MARCHF7: variants seen among roughly 807,000 people sequenced by gnomAD.
MARCHF7 encodes membrane associated ring-CH-type finger 7.
Under a neutral mutation model 76.5 loss-of-function variants are expected in MARCHF7, and 20 were observed. The ratio of observed to expected loss-of-function variants is 0.26; its 90% CI spans 0.18 to 0.38. The LOEUF is 0.38. Ranked by LOEUF, MARCHF7 falls within the 10% of genes least tolerant of loss-of-function variation. The pLI is 1.00. For synonymous variants in MARCHF7, 295 were observed against 293.0 expected (o/e 1.01, Z -0.07); for missense variants, 797 against 812.9 (o/e 0.98, Z 0.24).
At chr2:159,717,669 C>T (rs1701188290) in intron 3 of MARCHF7, among the ~76,000 whole-genome samples, 1 of 152,170 alleles carries the variant, frequency 6.6e-6, no homozygotes, top group Non-Finnish European at 1.5e-5. Flanking sequence ...CTCCTTAGGA[C>T]TTCTGTAATA....
Position 159,752,406 on chromosome 2 carries a change from C to T in MARCHF7, c.1618C>T (p.Leu540Phe). 6.3e-7 allele frequency: 1 copy of T among 1,579,058 alleles called. No individual in the cohort carries two copies. Among genetic ancestry groups the T allele is most frequent in the Non-Finnish European group, 8.6e-7 (1 of 1,164,996 alleles). ...ERLQKIKESLLLEDSEEEEGD... is the reference protein window; with the variant it reads ...ERLQKIKESLFLEDSEEEEGD... ...GAAATGTGCCTTCTTTTCCAGCCTC[C>T]TTTTAGAGGACTCAGAAGAAGAAGA... Residue 540 changes from leucine (L) to phenylalanine (F), a missense_variant, in exon 8 of 12, where the codon CTT (leucine) becomes TTT (phenylalanine). Coordinates refer to ENST00000409175, the MANE Select transcript of MARCHF7 (RefSeq NM_001282805.2).
At position 159,721,023 on chromosome 2, in the gene MARCHF7, A is replaced by ATTT. The variant is rs796198892; in HGVS notation, c.-15+5270_-15+5272dup. On this transcript the variant is annotated intron_variant, in intron 3 of 11. Transcript: ENST00000409175. ...CAGGCGCGAGCCACCACACACGGCTATTTTTTTTTTTTTTTCTGTATTTTT... is the reference window on the plus strand; with the variant it reads ...CAGGCGCGAGCCACCACACACGGCTATTTTTTTTTTTTTTTTTTCTGTATTTTT... Among the ~76,000 whole-genome samples the ATTT allele has an allele frequency of 6.2e-4, 86 of 138,264 alleles. No homozygotes were observed. In the East Asian group the frequency reaches 0.016, roughly 26 times the overall value. 90.7% of individuals were successfully genotyped at this position (138,264 alleles called of 152,430 possible).
chr2:159,750,906 C>T (rs1318242345), intron 7 of MARCHF7, among the ~76,000 whole-genome samples: 1 of 151,944 alleles, frequency 6.6e-6, no homozygotes, highest in South Asian at 2.1e-4. Context: ...TCAAATCCAA[C>T]TCTGGTGATA....
chr2:159,759,129 A>C (rs1004957073), intron 8 of MARCHF7, 97 bp from the exon 9 acceptor site: 17 of 691,166 alleles, frequency 2.5e-5, no homozygotes, highest in Non-Finnish European at 4.3e-5. Context: ...TCTTTCCTTT[A>C]AGGTTTTATT....
In MARCHF7 at chr2:159,770,766, C is replaced by T. The variant is rs1708118942; in HGVS notation, c.*3424C>T. ...GTGTAGGTTTGGGACAAAATAGGCT[C>T]TACCATCTGGGTTTGTGTAAATACA... On this transcript the variant is annotated 3_prime_UTR_variant, in exon 12 of 12. Transcript: ENST00000409175. The T allele has an allele frequency of 6.6e-6, 1 of 152,158 alleles. No homozygotes were observed. Among genetic ancestry groups the T allele is most frequent in the African/African-American group, 2.4e-5 (1 of 41,444 alleles). 9.4% of individuals were successfully genotyped at this position (152,158 alleles called of 1,614,324 possible).
intron 3 of MARCHF7, among the ~76,000 whole-genome samples, chr2:159,720,970 G>A (rs934598331): frequency 1.6e-4 from 24 of 151,540 alleles, no homozygotes; most frequent in Admixed American, 1.6e-3. Flanking sequence ...CAATTCTCCT[G>A]CCTTAGTCTC....
At chr2:159,752,852 C>T (rs536859304) in intron 8 of MARCHF7, among the ~76,000 whole-genome samples, 7 of 152,258 alleles carry the variant, frequency 4.6e-5, no homozygotes, top group Non-Finnish European at 1.0e-4. Flanking sequence ...ATGGAAGATC[C>T]TTTTGAATCA....
rs767036946 is a variant in MARCHF7, at chr2:159,743,150, G to C, written c.243G>C (p.Gln81His). Residue 81 changes from glutamine to histidine, a missense_variant, in exon 5 of 12, where the codon CAG becomes CAC. Coordinates refer to ENST00000409175, the MANE Select transcript of MARCHF7 (RefSeq NM_001282805.2). ...CTCAGGGAGCACGCTCAAGATCGCA[G>C]AACCAGCAACGGGATCATGATTCAA... ...EITQGARSRSQNQQRDHDSKR... is the reference protein window; with the variant it reads ...EITQGARSRSHNQQRDHDSKR... 6.2e-7 allele frequency: 1 copy of C among 1,614,196 alleles called. No individual in the cohort carries two copies. Among genetic ancestry groups the C allele is most frequent in the Non-Finnish European group, 8.5e-7 (1 of 1,180,030 alleles).
At chr2:159,713,067 C>G (rs762972167) in intron 1 of MARCHF7, among the ~76,000 whole-genome samples, 5 of 152,186 alleles carry the variant, frequency 3.3e-5, no homozygotes, top group African/African-American at 4.8e-5. Flanking sequence ...GGGCAGGGCT[C>G]CGGCTCGGCC....
At chr2:159,713,443 T>C (rs768023954) in intron 1 of MARCHF7, among the ~76,000 whole-genome samples, 5 of 152,246 alleles carry the variant, frequency 3.3e-5, no homozygotes, top group African/African-American at 9.6e-5. Context: ...TGTTGTTTGT[T>C]ACTATTAGTT....
chr2:159,744,821 T>C (rs1704645513), intron 5 of MARCHF7, among the ~76,000 whole-genome samples: 1 of 152,252 alleles, frequency 6.6e-6, no homozygotes. Context: ...AGAGGAATTA[T>C]TAAGGCTACT....
intron 3 of MARCHF7, among the ~76,000 whole-genome samples, chr2:159,720,032 C>G (rs1183852860): frequency 6.6e-6 from 1 of 152,086 alleles, no homozygotes; most frequent in Non-Finnish European, 1.5e-5. Context: ...CCGCCCTCCC[C>G]CCTCCAGCCC....
Position 159,768,910 on chromosome 2 carries a change from T to C in MARCHF7, c.*1568T>C, listed in dbSNP as rs1395816889. The C allele has an allele frequency of 6.6e-6, 1 of 152,204 alleles. No individual in the cohort carries two copies. Among genetic ancestry groups the C allele is most frequent in the East Asian group, 1.9e-4 (1 of 5,200 alleles). The allele number at this position is 152,204 out of a possible 1,614,324, so 9.4% of individuals were successfully genotyped here. On this transcript the variant is annotated 3_prime_UTR_variant, in exon 12 of 12. Coordinates refer to ENST00000409175, the MANE Select transcript of MARCHF7 (RefSeq NM_001282805.2). ...TTAACTAGATGGTACAAAACATTCA[T>C]TGGTATGCACATAATTCTGTATAGT...
chr2:159,760,728 T>C (rs1174928763), intron 9 of MARCHF7, among the ~76,000 whole-genome samples: 1 of 151,798 alleles, frequency 6.6e-6, no homozygotes, highest in Non-Finnish European at 1.5e-5. Context: ...TTTGTTTTTG[T>C]TTTTGTTTTT....
intron 9 of MARCHF7, among the ~76,000 whole-genome samples, chr2:159,760,759 A>T (rs990558135): frequency 2.1e-5 from 3 of 146,060 alleles, no homozygotes; most frequent in Admixed American, 1.4e-4. Flanking sequence ...TCGCTCTGTC[A>T]TGCCTTTTCC....
At chr2:159,752,311 T>C in intron 7 of MARCHF7, 91 bp from the exon 8 acceptor site, 4 of 1,243,492 alleles carry the variant, frequency 3.2e-6, no homozygotes, top group Non-Finnish European at 4.3e-6. Context: ...TGAGTAGAAA[T>C]AACAAAAAAG....
intron 8 of MARCHF7, among the ~76,000 whole-genome samples, chr2:159,754,885 A>G (rs1478445793): frequency 6.6e-6 from 1 of 152,196 alleles, no homozygotes. Context: ...TGTGAGGAAA[A>G]TAACATTTTA....
intron 3 of MARCHF7, among the ~76,000 whole-genome samples, chr2:159,726,419 C>T (rs768747521): frequency 6.6e-6 from 1 of 152,096 alleles, no homozygotes; most frequent in Non-Finnish European, 1.5e-5. Flanking sequence ...CCCGCTACCA[C>T]GGCCGGCTAA....
At chr2:159,753,146 A>C (rs553087328) in intron 8 of MARCHF7, among the ~76,000 whole-genome samples, 2 of 152,322 alleles carry the variant, frequency 1.3e-5, no homozygotes, top group East Asian at 3.9e-4. Flanking sequence ...AATTAGGGGA[A>C]GAGCACTCTA....
Sources: gnomAD v4.1 joint callset for allele counts (sites outside exome capture counted in the v4.1 genomes callset) on GRCh38, gnomAD v4.1.1 for gene constraint, MANE v1.5 for transcripts, NCBI Gene and HGNC (gene_info 2026-07-23, HGNC 2026-07-21) for gene names.